The following SCN8A variants were observed in gnomAD, a reference collection of about 807,000 sequenced individuals.
SCN8A encodes sodium channel protein type 8 subunit alpha.
In SCN8A, 30 loss-of-function variants were observed where a neutral mutation model predicts 184.1. The observed-to-expected ratio is 0.16, with a 90% CI of 0.12 to 0.22. SCN8A has a LOEUF of 0.22. Among genes scored for constraint, SCN8A ranks in the 10% least tolerant of loss-of-function variants. The pLI, the probability that SCN8A is intolerant of heterozygous loss-of-function variation, is 1.00. For missense variants in SCN8A, 1,057 were observed against 2,498.9 expected, an observed-to-expected ratio of 0.42 and a Z score of 12.30; for synonymous variants, 852 against 907.0, an observed-to-expected ratio of 0.94 and a Z score of 1.09.
chr12:51,708,986 T>C (rs1212679483), intron 11 of SCN8A, among the ~76,000 whole-genome samples: 1 of 152,218 alleles, frequency 6.6e-6, no homozygotes, highest in East Asian at 1.9e-4. Context: ...GCATGTGTTA[T>C]TCCATAATTG....
intron 12 of SCN8A, among the ~76,000 whole-genome samples, chr12:51,744,298 A>C (rs1156909995): frequency 6.6e-6 from 1 of 152,208 alleles, no homozygotes; most frequent in Admixed American, 6.5e-5. Context: ...GCAGACTCTC[A>C]AAAAGCAAAA....
rs560832293 is a variant in SCN8A at position 51,768,776 on chromosome 12, G to C, written c.2902-89G>C. The C allele has an allele frequency of 2.9e-5, 29 of 1,006,100 alleles. 1 individual carries two copies. The South Asian group carries it at 4.8e-4, about 17-fold the overall frequency. 62.3% of individuals were successfully genotyped at this position (1,006,100 alleles called of 1,614,324 possible). A position where few individuals can be genotyped will look rare whatever the true frequency, so the allele number is the denominator to read the frequency against. The stretch of plus-strand genomic sequence containing the variant: ...AACAGAGCCTCTTTGAGTCTGTCAC[G>C]TGAAGTCCATTGGCTTCCAGTTTGC... On this transcript the variant is annotated intron_variant, in intron 16 of 26. Coordinates refer to ENST00000627620, the MANE Select transcript of SCN8A (RefSeq NM_001330260.2).
chr12:51,605,509 G>A (rs1939570172), intron 1 of SCN8A, among the ~76,000 whole-genome samples: 2 of 152,172 alleles, frequency 1.3e-5, no homozygotes, highest in Admixed American at 1.3e-4. Context: ...GGGCATTTGG[G>A]TTAGTTCCAC....
intron 9 of SCN8A, among the ~76,000 whole-genome samples, chr12:51,704,080 C>T (rs182605829): frequency 1.5e-4 from 23 of 151,598 alleles, no homozygotes; most frequent in South Asian, 4.2e-4. Context: ...TTAATAGAGA[C>T]GGGGTTTCAC....
At chr12:51,658,479 C>T (rs1940866265) in intron 1 of SCN8A, among the ~76,000 whole-genome samples, 1 of 151,922 alleles carries the variant, frequency 6.6e-6, no homozygotes, top group Non-Finnish European at 1.5e-5. Context: ...GCATGAAATA[C>T]CATAGAAAGG....
chr12:51,765,522 A>G, intron 15 of SCN8A, 149 bp from the exon 16 acceptor site: 1 of 548,310 alleles, frequency 1.8e-6, no homozygotes, highest in Non-Finnish European at 3.2e-6. Flanking sequence ...ATTTAGTCTG[A>G]GACACTGTTA....
intron 11 of SCN8A, among the ~76,000 whole-genome samples, chr12:51,713,889 AT>A (rs201143412): frequency 0.012 from 1,798 of 151,880 alleles, 28 homozygotes; most frequent in African/African-American, 0.042. Context: ...AATTTTAAAA[AT>A]ATAGTAATGA....
intron 2 of SCN8A, among the ~76,000 whole-genome samples, chr12:51,678,909 C>T (rs1004976515): frequency 1.3e-5 from 2 of 151,840 alleles, no homozygotes; most frequent in African/African-American, 4.8e-5. Context: ...AACCCCGTCT[C>T]TACTAAAAAT....
intron 12 of SCN8A, among the ~76,000 whole-genome samples, 173 bp from the exon 13 acceptor site, chr12:51,745,730 G>A (rs1044433139): frequency 2.0e-5 from 3 of 152,114 alleles, no homozygotes; most frequent in African/African-American, 7.2e-5. Context: ...ACAGAAATAA[G>A]GATGAACCAT....
intron 1 of SCN8A, among the ~76,000 whole-genome samples, chr12:51,652,834 C>G (rs891509362): frequency 3.3e-5 from 5 of 152,120 alleles, no homozygotes; most frequent in African/African-American, 9.7e-5. Flanking sequence ...GAAGATTTAC[C>G]ATACTGTACT....
At chr12:51,631,994 T>A (rs1044604415) in intron 1 of SCN8A, among the ~76,000 whole-genome samples, 1 of 152,124 alleles carries the variant, frequency 6.6e-6, no homozygotes, top group Non-Finnish European at 1.5e-5. Context: ...TATAGGAGGA[T>A]CCAGGGAAAT....
At position 51,768,774 on chromosome 12, in the gene SCN8A, A is replaced by T. The variant is rs544236209; in HGVS notation, c.2902-91A>T. The T allele has an allele frequency of 3.1e-5, 30 of 970,986 alleles. 1 individual carries two copies. The South Asian group carries it at 5.1e-4, about 16-fold the overall frequency. 60.1% of individuals were successfully genotyped at this position (970,986 alleles called of 1,614,324 possible). A position where few individuals can be genotyped will look rare whatever the true frequency, so the allele number is the denominator to read the frequency against. On this transcript the variant is annotated intron_variant, in intron 16 of 26. Transcript: ENST00000627620. ...ACAACAGAGCCTCTTTGAGTCTGTCACGTGAAGTCCATTGGCTTCCAGTTT... is the reference window on the plus strand; with the variant it reads ...ACAACAGAGCCTCTTTGAGTCTGTCTCGTGAAGTCCATTGGCTTCCAGTTT...
At chr12:51,758,731 C>G (rs303769) in intron 14 of SCN8A, among the ~76,000 whole-genome samples, 132,503 of 152,236 alleles carry the variant, frequency 0.87, 57,883 homozygotes, top group East Asian at 0.98. Context: ...AGCCACCGTG[C>G]CTGGCCTCAT....
intron 1 of SCN8A, among the ~76,000 whole-genome samples, chr12:51,658,931 G>A (rs1940875085): frequency 6.6e-6 from 1 of 152,064 alleles, no homozygotes; most frequent in African/African-American, 2.4e-5. Context: ...TTGCTGGTAG[G>A]AATATTACTA....
intron 1 of SCN8A, among the ~76,000 whole-genome samples, chr12:51,605,318 C>G (rs899170857): frequency 1.3e-5 from 2 of 152,208 alleles, no homozygotes; most frequent in Non-Finnish European, 2.9e-5. Flanking sequence ...CATAGCTTAG[C>G]TCCCACCTAT....
At chr12:51,660,351 A>C (rs1042038844) in intron 1 of SCN8A, among the ~76,000 whole-genome samples, 3 of 152,342 alleles carry the variant, frequency 2.0e-5, no homozygotes, top group Non-Finnish European at 2.9e-5. Flanking sequence ...CTGCAATTAG[A>C]TCACAAGAAT....
chr12:51,603,010 T>C (rs1173145104), intron 1 of SCN8A, among the ~76,000 whole-genome samples: 1 of 152,236 alleles, frequency 6.6e-6, no homozygotes, highest in Non-Finnish European at 1.5e-5. Context: ...TTTGTTTTAT[T>C]TTTTCTTATT....
chr12:51,745,914 G>A lies in SCN8A; in HGVS notation c.2010G>A (p.Glu670=). The change falls in exon 13 of 27, where the codon GAG becomes GAA. Residue 670 remains glutamate, a synonymous_variant. Coordinates refer to ENST00000627620, the MANE Select transcript of SCN8A (RefSeq NM_001330260.2). ...TTTTTTTTTTAAAGGCTACAACTGA[G>A]GTGGAAATTAAGAAGAAAGGCCCTG... The part of the protein sequence containing the change: ...GGRLLPEATT[E]VEIKKKGPGS... 3 of 1,587,362 alleles carry A rather than the reference G, an allele frequency of 1.9e-6. No individual in the cohort carries two copies. Among genetic ancestry groups the A allele is most frequent in the Non-Finnish European group, 8.5e-7 (1 of 1,171,300 alleles).
intron 17 of SCN8A, 34 bp from the exon 18 acceptor site, chr12:51,769,834 A>C: frequency 7.0e-7 from 1 of 1,434,290 alleles, no homozygotes; most frequent in Non-Finnish European, 9.6e-7. Flanking sequence ...GTTGCCTCAG[A>C]GCTGCCTGAT....
Sources: gnomAD v4.1 joint callset for allele counts (sites outside exome capture counted in the v4.1 genomes callset) on GRCh38, gnomAD v4.1.1 for gene constraint, MANE v1.5 for transcripts, NCBI Gene and HGNC (gene_info 2026-07-23, HGNC 2026-07-21) for gene names.